ADGRL2: variants seen among roughly 807,000 people sequenced by gnomAD.
ADGRL2 encodes adhesion G protein-coupled receptor L2.
Under a neutral mutation model 157.4 loss-of-function variants are expected in ADGRL2, and 44 were observed. The observed-to-expected ratio is 0.28, with a 90% CI of 0.22 to 0.36. The LOEUF (loss-of-function observed/expected upper bound fraction) is 0.36. Ranked by LOEUF, ADGRL2 falls within the 10% of genes least tolerant of loss-of-function variation. The pLI, the probability that ADGRL2 is intolerant of heterozygous loss-of-function variation, is 1.00. For synonymous variants in ADGRL2, 585 were observed against 624.7 expected, an observed-to-expected ratio of 0.94 and a Z score of 0.95; for missense variants, 1,510 against 1,768.9, an observed-to-expected ratio of 0.85 and a Z score of 2.63.
chr1:81,692,443 C>T (rs553555725), intron 3 of ADGRL2, among the ~76,000 whole-genome samples: 15 of 152,204 alleles, frequency 9.9e-5, no homozygotes, highest in South Asian at 4.2e-4. Context: ...ATCTTGACCC[C>T]GCAGTGTTAA....
At chr1:81,512,105 G>A (rs981895660) in intron 2 of ADGRL2, among the ~76,000 whole-genome samples, 1 of 152,116 alleles carries the variant, frequency 6.6e-6, no homozygotes, top group Non-Finnish European at 1.5e-5. Flanking sequence ...ATGTGAGCCT[G>A]TAGGCTGCTA....
intron 2 of ADGRL2, among the ~76,000 whole-genome samples, chr1:81,529,013 A>C (rs371644495): frequency 1.6e-4 from 24 of 152,364 alleles, no homozygotes; most frequent in East Asian, 1.5e-3. Context: ...GCCAAAAGTA[A>C]AACCTAAATG....
intron 1 of ADGRL2, among the ~76,000 whole-genome samples, chr1:81,756,128 C>A (rs1229452081): frequency 6.6e-6 from 1 of 152,146 alleles, no homozygotes; most frequent in African/African-American, 2.4e-5. Flanking sequence ...CCAAAGCAAT[C>A]CCTTTGCTCA....
intron 1 of ADGRL2, among the ~76,000 whole-genome samples, chr1:81,432,224 C>T (rs549630053): frequency 1.1e-4 from 16 of 152,170 alleles, no homozygotes; most frequent in Non-Finnish European, 1.5e-4. Context: ...GGAGACCATA[C>T]GCAGTGAAGA....
chr1:81,792,992 C>T (rs2087421621), intron 2 of ADGRL2, among the ~76,000 whole-genome samples: 1 of 151,934 alleles, frequency 6.6e-6, no homozygotes, highest in Admixed American at 6.5e-5. Flanking sequence ...AGTCTTTTTG[C>T]TACATAGGTC....
chr1:81,766,847 G>GAAAAAAAAAAAAAAA (rs66946051), intron 2 of ADGRL2, among the ~76,000 whole-genome samples: 1 of 117,822 alleles, frequency 8.5e-6, no homozygotes, highest in African/African-American at 3.1e-5. Context: ...AAAAAAAAAG[G>GAAAAAAAAAAAAAAA]AAAAAAAAAA....
At chr1:81,827,642 T>C (rs2091610173) in intron 1 of ADGRL2, among the ~76,000 whole-genome samples, 1 of 152,204 alleles carries the variant, frequency 6.6e-6, no homozygotes, top group South Asian at 2.1e-4. Flanking sequence ...CTTGGCGCAC[T>C]ACACCCTCAG....
intron 2 of ADGRL2, among the ~76,000 whole-genome samples, chr1:81,891,602 A>G (rs182227248): frequency 1.2e-4 from 19 of 152,030 alleles, no homozygotes; most frequent in Admixed American, 1.1e-3. Flanking sequence ...ACTTAAATTT[A>G]TTTCATTTTC....
intron 3 of ADGRL2, among the ~76,000 whole-genome samples, chr1:81,669,982 A>G (rs1176801318): frequency 6.6e-6 from 1 of 150,946 alleles, no homozygotes; most frequent in Non-Finnish European, 1.5e-5. Context: ...AAACTAATCT[A>G]GGAAGGCTTC....
At chr1:81,381,189 A>C (rs2076338162) in intron 1 of ADGRL2, among the ~76,000 whole-genome samples, 1 of 152,102 alleles carries the variant, frequency 6.6e-6, no homozygotes, top group South Asian at 2.1e-4. Context: ...AAATATAATT[A>C]TATTGTCAGT....
chr1:81,794,067 C>A (rs576938138), intron 2 of ADGRL2, among the ~76,000 whole-genome samples: 7 of 152,134 alleles, frequency 4.6e-5, no homozygotes, highest in African/African-American at 1.7e-4. Flanking sequence ...ATATCCATTA[C>A]CTCTTACCTT....
intron 3 of ADGRL2, among the ~76,000 whole-genome samples, chr1:81,677,769 A>T (rs2083026751): frequency 6.6e-6 from 1 of 152,152 alleles, no homozygotes; most frequent in African/African-American, 2.4e-5. Context: ...ATGTTGAATT[A>T]TCTTTCTAGA....
chr1:81,497,090 A>T (rs2078746668), intron 2 of ADGRL2, among the ~76,000 whole-genome samples: 1 of 152,212 alleles, frequency 6.6e-6, no homozygotes, highest in Non-Finnish European at 1.5e-5. Flanking sequence ...AAGGGCCAGG[A>T]ATGACTTATA....
chr1:81,605,921 C>T (rs959181172), intron 3 of ADGRL2, among the ~76,000 whole-genome samples: 6 of 152,160 alleles, frequency 3.9e-5, no homozygotes, highest in Admixed American at 1.3e-4. Context: ...AATTTGATGA[C>T]TAAAATTTTA....
intron 1 of ADGRL2, among the ~76,000 whole-genome samples, chr1:81,826,343 A>C (rs1012725945): frequency 1.3e-5 from 2 of 152,230 alleles, no homozygotes; most frequent in African/African-American, 4.8e-5. Context: ...GTTTTTCAGG[A>C]GACTAATAAT....
At chr1:81,635,908 G>C (rs2082105892) in intron 3 of ADGRL2, among the ~76,000 whole-genome samples, 1 of 152,210 alleles carries the variant, frequency 6.6e-6, no homozygotes, top group Non-Finnish European at 1.5e-5. Context: ...AGTGCTAAAA[G>C]TTATCTGATT....
chr1:81,821,708 T>C (rs936695995), intron 1 of ADGRL2, among the ~76,000 whole-genome samples: 4 of 152,178 alleles, frequency 2.6e-5, no homozygotes, highest in African/African-American at 7.2e-5. Context: ...CAATTTCTTA[T>C]ATTTAATTTG....
chr1:81,752,861 C>A (rs1252554817), intron 1 of ADGRL2, among the ~76,000 whole-genome samples: 1 of 152,054 alleles, frequency 6.6e-6, no homozygotes, highest in Non-Finnish European at 1.5e-5. Flanking sequence ...ATTATTCAAA[C>A]CAAAAATGAT....
chr1:81,975,103 G>A (rs575881174), intron 17 of ADGRL2, among the ~76,000 whole-genome samples: 1 of 151,688 alleles, frequency 6.6e-6, no homozygotes, highest in East Asian at 1.9e-4. Context: ...ACACACACAC[G>A]CCCAGAGCTA....
Sources: gnomAD v4.1 joint callset for allele counts (sites outside exome capture counted in the v4.1 genomes callset) on GRCh38, gnomAD v4.1.1 for gene constraint, MANE v1.5 for transcripts, NCBI Gene and HGNC (gene_info 2026-07-23, HGNC 2026-07-21) for gene names.